Variants in AKAP6 observed in about 807,000 individuals in gnomAD.
AKAP6 encodes the protein A-kinase anchor protein 6.
Under a neutral mutation model 188.5 loss-of-function variants are expected in AKAP6, and 58 were observed. The observed-to-expected ratio is 0.31, with a 90% CI of 0.25 to 0.38. The LOEUF is 0.38. AKAP6 is among the 10% of genes least tolerant of loss of function. AKAP6 has a pLI of 1.00. For synonymous variants in AKAP6, 989 were observed against 998.6 expected, an observed-to-expected ratio of 0.99 and a Z score of 0.18; for missense variants, 2,710 against 2,740.0, an observed-to-expected ratio of 0.99 and a Z score of 0.24.
intron 7 of AKAP6, among the ~76,000 whole-genome samples, chr14:32,657,917 GC>G (rs1218687847): frequency 6.6e-6 from 1 of 152,060 alleles, no homozygotes; most frequent in Non-Finnish European, 1.5e-5. Context: ...GAACATGAAT[GC>G]CAATTTTATA....
intron 2 of AKAP6, among the ~76,000 whole-genome samples, chr14:32,456,691 A>G (rs569434145): frequency 6.6e-6 from 1 of 152,184 alleles, no homozygotes; most frequent in African/African-American, 2.4e-5. Flanking sequence ...ATTATCATGT[A>G]TCTGTGGTTG....
At chr14:32,352,107 G>GTT (rs1460029755) in intron 1 of AKAP6, among the ~76,000 whole-genome samples, 6 of 117,446 alleles carry the variant, frequency 5.1e-5, no homozygotes, top group African/African-American at 1.7e-4. Flanking sequence ...GTGTGTTTGT[G>GTT]TGTGTGTGTG....
chr14:32,677,571 A>G (rs772366312), intron 7 of AKAP6, among the ~76,000 whole-genome samples: 30 of 152,330 alleles, frequency 2.0e-4, no homozygotes, highest in Non-Finnish European at 8.8e-5. Context: ...CTGATGTTCT[A>G]GGGAACCTGA....
In AKAP6 at chr14:32,510,438, G is replaced by GCA. The variant is rs1881168783; in HGVS notation, c.325-25116_325-25115insCA. On this transcript the variant is annotated intron_variant, in intron 2 of 13. Coordinates refer to ENST00000280979, the MANE Select transcript of AKAP6 (RefSeq NM_004274.5). ...TGTATATATATACATATATATATGT[G>GCA]TATATATATATACATATATATGTGT... Among the ~76,000 whole-genome samples the GCA allele has an allele frequency of 1.1e-4, 9 of 84,424 alleles. 1 individual carries two copies. The highest frequency in any genetic ancestry group is 4.1e-4 in the African/African-American group (9 of 22,140). The allele number at this position is 84,424 out of a possible 152,430, so 55.4% of individuals were successfully genotyped here.
chr14:32,649,400 T>C lies in AKAP6; in HGVS notation c.2731-28911T>C, dbSNP rs116941494. On this transcript the variant is annotated intron_variant, in intron 7 of 13. Coordinates refer to ENST00000280979, the MANE Select transcript of AKAP6 (RefSeq NM_004274.5). ...GACTGTTTAACCTATTCTCTACCATTTTCCTATTATGTATGCCGATTGGCA... is the reference window on the plus strand; with the variant it reads ...GACTGTTTAACCTATTCTCTACCATCTTCCTATTATGTATGCCGATTGGCA... 1.9e-3 allele frequency among the ~76,000 whole-genome samples: 295 copies of C among 152,300 alleles called. 3 individuals are homozygous for C. The East Asian group carries it at 0.026, about 13-fold the overall frequency.
At chr14:32,765,502 C>T (rs1402041373) in intron 11 of AKAP6, among the ~76,000 whole-genome samples, 4 of 152,104 alleles carry the variant, frequency 2.6e-5, no homozygotes, top group Non-Finnish European at 4.4e-5. Flanking sequence ...ACTCCTCTTT[C>T]AGATTCATAG....
chr14:32,585,766 G>C (rs1325802196), intron 5 of AKAP6, among the ~76,000 whole-genome samples: 1 of 152,132 alleles, frequency 6.6e-6, no homozygotes, highest in East Asian at 1.9e-4. Flanking sequence ...CTTCAAAGAG[G>C]TAATTTGATA....
chr14:32,718,264 A>G (rs1454339498), intron 9 of AKAP6: 4 of 985,178 alleles, frequency 4.1e-6, no homozygotes, highest in Non-Finnish European at 4.8e-6. Context: ...AACAGCAAAA[A>G]AAAGAACAAT....
At chr14:32,507,788 T>A (rs1280897736) in intron 2 of AKAP6, among the ~76,000 whole-genome samples, 1 of 152,130 alleles carries the variant, frequency 6.6e-6, no homozygotes, top group East Asian at 1.9e-4. Flanking sequence ...AGAGGAGGGA[T>A]AGGATGATGA....
At chr14:32,725,008 A>AAAAAAAAAC in intron 9 of AKAP6, among the ~76,000 whole-genome samples, 1 of 149,934 alleles carries the variant, frequency 6.7e-6, no homozygotes, top group African/African-American at 2.4e-5. Flanking sequence ...AAAAAAAAAA[A>AAAAAAAAAC]AAAAAAAAAC....
At chr14:32,623,757 G>C (rs1886904342) in intron 7 of AKAP6, among the ~76,000 whole-genome samples, 3 of 152,058 alleles carry the variant, frequency 2.0e-5, no homozygotes, top group Admixed American at 6.6e-5. Flanking sequence ...TATATGGCCA[G>C]GTCTTTAAAC....
intron 7 of AKAP6, among the ~76,000 whole-genome samples, chr14:32,631,499 A>G (rs1887271794): frequency 1.3e-5 from 2 of 152,082 alleles, no homozygotes; most frequent in South Asian, 4.1e-4. Context: ...AACACTGGAT[A>G]TTACAGTTGT....
intron 11 of AKAP6, among the ~76,000 whole-genome samples, chr14:32,749,997 A>G (rs1049496066): frequency 1.3e-5 from 2 of 152,216 alleles, no homozygotes; most frequent in African/African-American, 4.8e-5. Context: ...GACAGTTTCT[A>G]TCTTCTAATA....
Position 32,836,882 on chromosome 14 carries a change from A to G in AKAP6, c.*7077A>G, listed in dbSNP as rs906982281. On this transcript the variant is annotated 3_prime_UTR_variant, in exon 14 of 14. Transcript: ENST00000280979. ...ACTTGAGCTTCCTGGTGTGTTCTTCAGAAAAAAAGGAATTCAAAAAGCAAA... is the reference window on the plus strand; with the variant it reads ...ACTTGAGCTTCCTGGTGTGTTCTTCGGAAAAAAAGGAATTCAAAAAGCAAA... 3.3e-5 allele frequency: 5 copies of G among 152,210 alleles called. No individual in the cohort carries two copies. The highest frequency in any genetic ancestry group is 1.2e-4 in the African/African-American group (5 of 41,456). 9.4% of individuals were successfully genotyped at this position (152,210 alleles called of 1,614,324 possible).
intron 1 of AKAP6, among the ~76,000 whole-genome samples, chr14:32,398,237 T>G (rs1888942661): frequency 6.6e-6 from 1 of 152,210 alleles, no homozygotes; most frequent in African/African-American, 2.4e-5. Context: ...TGGCCCCAAA[T>G]GCAGTGAGGC....
chr14:32,636,592 T>C (rs1887499354), intron 7 of AKAP6, among the ~76,000 whole-genome samples: 1 of 151,988 alleles, frequency 6.6e-6, no homozygotes, highest in African/African-American at 2.4e-5. Flanking sequence ...TGGTAAGTCA[T>C]AATGGTAGAG....
At chr14:32,397,868 C>T (rs1472189483) in intron 1 of AKAP6, among the ~76,000 whole-genome samples, 1 of 152,216 alleles carries the variant, frequency 6.6e-6, no homozygotes, top group East Asian at 1.9e-4. Flanking sequence ...GAAAATGCAA[C>T]ACTGAGGTCT....
chr14:32,378,903 TTCTG>T (rs947054167), intron 1 of AKAP6, among the ~76,000 whole-genome samples: 19 of 143,444 alleles, frequency 1.3e-4, no homozygotes, highest in African/African-American at 2.0e-4. Context: ...TAGGATTCTT[TTCTG>T]TCTTTCTTCC....
At chr14:32,386,001 G>GTATCTA (rs1340355658) in intron 1 of AKAP6, among the ~76,000 whole-genome samples, 2 of 106,038 alleles carry the variant, frequency 1.9e-5, no homozygotes, top group South Asian at 6.9e-4. Context: ...TTCATCATAT[G>GTATCTA]TATCTATATC....
Sources: gnomAD v4.1 joint callset for allele counts (sites outside exome capture counted in the v4.1 genomes callset) on GRCh38, gnomAD v4.1.1 for gene constraint, MANE v1.5 for transcripts, NCBI Gene and HGNC (gene_info 2026-07-23, HGNC 2026-07-21) for gene names.